The following CACNA1C variants were observed in gnomAD, a reference collection of about 807,000 sequenced individuals.
CACNA1C encodes the protein calcium voltage-gated channel subunit alpha1 C, also known as voltage-dependent L-type calcium channel subunit alpha-1C.
CACNA1C carries 30 observed loss-of-function variants against 229.0 expected under a neutral mutation model. That is an observed-to-expected ratio of 0.13 (90% confidence interval 0.10 to 0.18). CACNA1C has a LOEUF of 0.18. CACNA1C is among the 10% of genes least tolerant of loss of function. The probability of loss-of-function intolerance (pLI) is 1.00; values close to 1 mark genes in which losing one functional copy is unlikely to be tolerated. For synonymous variants in CACNA1C, 1,114 were observed against 1,132.5 expected, an observed-to-expected ratio of 0.98 and a Z score of 0.33; for missense variants, 1,658 against 2,845.0, an observed-to-expected ratio of 0.58 and a Z score of 9.49.
Position 2,574,975 on chromosome 12 carries a change from C to T in CACNA1C, c.1896-6615C>T, listed in dbSNP as rs149920068. Among the ~76,000 whole-genome samples the T allele has an allele frequency of 1.3e-3, 198 of 152,302 alleles. 1 individual carries two copies. The highest frequency in any genetic ancestry group is 4.6e-3 in the African/African-American group (193 of 41,554). ...GGTGAGGATGACTCCCTAGCCCTGACACAACTGTGGTTGGAGGGGCCAACT... is the reference window on the plus strand; with the variant it reads ...GGTGAGGATGACTCCCTAGCCCTGATACAACTGTGGTTGGAGGGGCCAACT... On this transcript the variant is annotated intron_variant, in intron 13 of 46. Coordinates refer to ENST00000399655, the MANE Select transcript of CACNA1C (RefSeq NM_000719.7).
intron 3 of CACNA1C, among the ~76,000 whole-genome samples, chr12:2,362,481 A>G (rs1020121037): frequency 2.0e-5 from 3 of 151,988 alleles, no homozygotes; most frequent in Non-Finnish European, 4.4e-5. Context: ...GACCCACCCA[A>G]CCTAGTCTAG....
At chr12:2,556,244 C>T (rs887333) in intron 10 of CACNA1C, among the ~76,000 whole-genome samples, 3 of 151,962 alleles carry the variant, frequency 2.0e-5, no homozygotes, top group Non-Finnish European at 4.4e-5. Context: ...CCCTACATGA[C>T]CTAGGGAGCC....
chr12:2,140,065 T>C (rs1037185709), intron 3 of CACNA1C, among the ~76,000 whole-genome samples: 2 of 151,300 alleles, frequency 1.3e-5, no homozygotes, highest in Non-Finnish European at 3.0e-5. Context: ...TGGTGCTGTG[T>C]ACTAGGCTAG....
intron 3 of CACNA1C, among the ~76,000 whole-genome samples, chr12:2,345,319 TA>T (rs1160064201): frequency 6.6e-6 from 1 of 151,672 alleles, no homozygotes; most frequent in Non-Finnish European, 1.5e-5. Flanking sequence ...CGCCAGGCAT[TA>T]ACTGGATTGG....
intron 3 of CACNA1C, among the ~76,000 whole-genome samples, chr12:2,162,303 G>A (rs1312098018): frequency 4.0e-5 from 6 of 151,576 alleles, no homozygotes; most frequent in South Asian, 2.1e-4. Context: ...AACCTAAACC[G>A]CTCTGAGGAG....
chr12:2,463,606 G>A (rs538990738), intron 5 of CACNA1C, among the ~76,000 whole-genome samples: 1 of 152,308 alleles, frequency 6.6e-6, no homozygotes, highest in Admixed American at 6.5e-5. Context: ...TCTTGGAGAA[G>A]GTAGCATTTG....
At chr12:2,343,993 A>G (rs2096935074) in intron 3 of CACNA1C, among the ~76,000 whole-genome samples, 1 of 152,220 alleles carries the variant, frequency 6.6e-6, no homozygotes. Context: ...AAACGGTGCC[A>G]CCTTCCCCAC....
intron 3 of CACNA1C, among the ~76,000 whole-genome samples, chr12:2,122,838 G>A (rs1217725508): frequency 1.3e-5 from 2 of 152,190 alleles, no homozygotes; most frequent in African/African-American, 2.4e-5. Context: ...CCTGTGGACC[G>A]GTGCAGCGAC....
intron 13 of CACNA1C, among the ~76,000 whole-genome samples, chr12:2,578,099 A>C (rs1157486216): frequency 1.3e-5 from 2 of 151,790 alleles, no homozygotes; most frequent in Admixed American, 6.6e-5. Flanking sequence ...CGATCTCCTG[A>C]CCTCGTGATC....
intron 1 of CACNA1C, among the ~76,000 whole-genome samples, chr12:2,059,042 A>AT (rs2056406034): frequency 6.6e-6 from 1 of 152,148 alleles, no homozygotes; most frequent in African/African-American, 2.4e-5. Flanking sequence ...AAGTGGATGC[A>AT]TTCTCTACTG....
chr12:2,259,509 G>A (rs768034348), intron 3 of CACNA1C, among the ~76,000 whole-genome samples: 8 of 152,220 alleles, frequency 5.3e-5, no homozygotes, highest in Non-Finnish European at 7.3e-5. Flanking sequence ...AAGCAGAGCC[G>A]CTTTGAGATG....
chr12:2,207,888 G>C (rs761927934), intron 3 of CACNA1C, among the ~76,000 whole-genome samples: 1 of 152,070 alleles, frequency 6.6e-6, no homozygotes, highest in Non-Finnish European at 1.5e-5. Flanking sequence ...TCTGACTTTC[G>C]GGAAAGTCTT....
intron 1 of CACNA1C, among the ~76,000 whole-genome samples, chr12:2,093,095 C>T (rs1266750918): frequency 2.6e-5 from 4 of 152,196 alleles, no homozygotes; most frequent in African/African-American, 4.8e-5. Flanking sequence ...TAACTGTGGG[C>T]CAATCTTGTG....
chr12:2,252,404 G>A (rs1388012802), intron 3 of CACNA1C, among the ~76,000 whole-genome samples: 7 of 152,300 alleles, frequency 4.6e-5, no homozygotes, highest in Non-Finnish European at 5.9e-5. Context: ...ATACACAAAC[G>A]TTTGGGTTGT....
At chr12:2,035,495 CCTT>C (rs1393680216) in intron 1 of CACNA1C, among the ~76,000 whole-genome samples, 2 of 152,126 alleles carry the variant, frequency 1.3e-5, no homozygotes, top group Non-Finnish European at 2.9e-5. Flanking sequence ...CTTCCTCCTC[CCTT>C]CTTTTCTCCC....
intron 29 of CACNA1C, among the ~76,000 whole-genome samples, chr12:2,616,949 GCC>G (rs2080951535): frequency 1.3e-5 from 2 of 152,258 alleles, no homozygotes; most frequent in South Asian, 4.1e-4. Flanking sequence ...GCTCCTGTCT[GCC>G]ACCACACACA....
intron 3 of CACNA1C, among the ~76,000 whole-genome samples, chr12:2,327,276 A>T (rs2096353773): frequency 6.6e-6 from 1 of 152,230 alleles, no homozygotes; most frequent in Non-Finnish European, 1.5e-5. Context: ...TAGCTTTGTA[A>T]GTTATTTGCA....
chr12:2,623,059 C>T (rs182449516), intron 29 of CACNA1C, among the ~76,000 whole-genome samples: 1 of 152,322 alleles, frequency 6.6e-6, no homozygotes, highest in East Asian at 1.9e-4. Flanking sequence ...TGCAGGAGCC[C>T]AGGCCTTCGT....
Position 2,633,604 on chromosome 12 carries a change from A to G in CACNA1C, c.3829-693A>G, listed in dbSNP as rs1386610263. ...TGTCTAATATTCCTTTTTAATCCCC[A>G]TCCTGCCTGCCCTCCCTTATGTAGG... On this transcript the variant is annotated intron_variant, in intron 29 of 46. Coordinates refer to ENST00000399655, the MANE Select transcript of CACNA1C (RefSeq NM_000719.7). This position sits in a 1 kb window ranked among gnomAD's most constrained non-coding sequence, Gnocchi z 5.8. The G allele has an allele frequency of 1.5e-6, 2 of 1,349,738 alleles. No individual in the cohort carries two copies. Among genetic ancestry groups the G allele is most frequent in the African/African-American group, 2.9e-5 (2 of 69,566 alleles). 83.6% of individuals were successfully genotyped at this position (1,349,738 alleles called of 1,614,324 possible). A position where few individuals can be genotyped will look rare whatever the true frequency, so the allele number is the denominator to read the frequency against.
Sources: allele counts gnomAD v4.1 joint callset (sites outside exome capture counted in the v4.1 genomes callset), GRCh38; gene constraint gnomAD v4.1.1; non-coding constraint Gnocchi (gnomAD v3.1); transcripts MANE v1.5; gene names NCBI Gene and HGNC (gene_info 2026-07-23, HGNC 2026-07-21).